The following ITGBL1 variants were observed in gnomAD, a reference collection of about 807,000 sequenced individuals.
ITGBL1 encodes the protein integrin subunit beta like 1, also known as integrin beta-like protein 1.
A neutral mutation model predicts 68.5 loss-of-function variants in ITGBL1; 51 were observed. That is an observed-to-expected ratio of 0.74 (90% CI 0.59 to 0.94). The LOEUF is 0.94. ITGBL1 is among the 40% of genes least tolerant of loss of function. ITGBL1 has a pLI of 0.00. For missense variants in ITGBL1, 649 were observed against 647.4 expected, an observed-to-expected ratio of 1.00 and a Z score of -0.03; for synonymous variants, 209 against 227.3, an observed-to-expected ratio of 0.92 and a Z score of 0.72.
chr13:101,490,627 T>C (rs1323550967), intron 2 of ITGBL1, among the ~76,000 whole-genome samples: 1 of 152,182 alleles, frequency 6.6e-6, no homozygotes, highest in East Asian at 1.9e-4. Context: ...GAGGGATTTG[T>C]AGCCTTGAGA....
intron 7 of ITGBL1, 87 bp downstream of exon 7, chr13:101,598,386 T>C: frequency 9.0e-7 from 1 of 1,107,270 alleles, no homozygotes; most frequent in Non-Finnish European, 1.2e-6. Context: ...GTTTGTTTGT[T>C]TGTTTTTTGT....
chr13:101,720,805 G>A (rs951799231), downstream of ITGBL1: 2 of 151,994 alleles, frequency 1.3e-5, no homozygotes, highest in Non-Finnish European at 2.9e-5. Flanking sequence ...GAATCATTTT[G>A]TTTGTTAGAT....
At chr13:101,469,494 C>T (rs2048428131) in intron 2 of ITGBL1, among the ~76,000 whole-genome samples, 1 of 152,128 alleles carries the variant, frequency 6.6e-6, no homozygotes, top group Admixed American at 6.5e-5. Flanking sequence ...CCAGCCTGGC[C>T]AACATGGGTG....
At chr13:101,699,522 A>T (rs1198789926) in intron 8 of ITGBL1, among the ~76,000 whole-genome samples, 2 of 152,100 alleles carry the variant, frequency 1.3e-5, no homozygotes, top group African/African-American at 4.8e-5. Flanking sequence ...ACGAGATCTG[A>T]AGGTTTTATA....
intron 8 of ITGBL1, among the ~76,000 whole-genome samples, chr13:101,698,641 T>C (rs939670235): frequency 6.6e-6 from 1 of 152,248 alleles, no homozygotes; most frequent in Non-Finnish European, 1.5e-5. Context: ...AACCTATGCA[T>C]GCATGGATTT....
chr13:101,602,166 C>A (rs1013769186), intron 7 of ITGBL1, among the ~76,000 whole-genome samples: 1 of 152,048 alleles, frequency 6.6e-6, no homozygotes, highest in Admixed American at 6.6e-5. Context: ...CTGAATGAGA[C>A]CATCTAATTG....
chr13:101,593,547 A>G (rs958829546), intron 6 of ITGBL1, among the ~76,000 whole-genome samples: 2 of 152,128 alleles, frequency 1.3e-5, no homozygotes, highest in African/African-American at 4.8e-5. Flanking sequence ...TGAATGGATA[A>G]AAAATTGTGG....
intron 8 of ITGBL1, among the ~76,000 whole-genome samples, chr13:101,699,290 G>A (rs1287439867): frequency 2.0e-5 from 3 of 152,286 alleles, no homozygotes; most frequent in Non-Finnish European, 4.4e-5. Context: ...ATGGTGAGGC[G>A]ACTGCCTGAG....
chr13:101,459,008 A>C (rs978791444), intron 2 of ITGBL1, among the ~76,000 whole-genome samples: 8 of 152,340 alleles, frequency 5.3e-5, no homozygotes, highest in Middle Eastern at 3.4e-3. Flanking sequence ...GAGTAAGATG[A>C]ATTAAAACTC....
chr13:101,475,423 A>C (rs2048521208), intron 2 of ITGBL1, among the ~76,000 whole-genome samples: 1 of 152,148 alleles, frequency 6.6e-6, no homozygotes, highest in Non-Finnish European at 1.5e-5. Context: ...TTTGCTTACA[A>C]GACCCAGAAA....
chr13:101,631,989 A>G (rs2031994926), intron 7 of ITGBL1, among the ~76,000 whole-genome samples: 1 of 152,116 alleles, frequency 6.6e-6, no homozygotes, highest in African/African-American at 2.4e-5. Flanking sequence ...CCTTGGGTTG[A>G]TGAAGATTTA....
Position 101,692,807 on chromosome 13 carries a change from A to G in ITGBL1, c.1132+106A>G, listed in dbSNP as rs980244371. The stretch of plus-strand genomic sequence containing the variant: ...TTTCAATTGCTGTTAAAAATAAGAT[A>G]AACAGAAAGCAATATACCATTGAAC... On this transcript the variant is annotated intron_variant, in intron 8 of 10. Coordinates refer to ENST00000376180, the MANE Select transcript of ITGBL1 (RefSeq NM_004791.3). 5 of 768,124 alleles carry G rather than the reference A, an allele frequency of 6.5e-6. No individual in the cohort carries two copies. In the African/African-American group the frequency reaches 8.6e-5, roughly 13 times the overall value. The allele number at this position is 768,124 out of a possible 1,614,324, so 47.6% of individuals were successfully genotyped here. A position where few individuals can be genotyped will look rare whatever the true frequency, so the allele number is the denominator to read the frequency against.
intron 7 of ITGBL1, among the ~76,000 whole-genome samples, chr13:101,659,202 A>G (rs72659166): frequency 6.6e-6 from 1 of 152,124 alleles, no homozygotes; most frequent in Non-Finnish European, 1.5e-5. Flanking sequence ...CTTAAAACAC[A>G]TAAATAGAAG....
intron 2 of ITGBL1, among the ~76,000 whole-genome samples, chr13:101,455,711 G>A (rs2139610944): frequency 6.6e-6 from 1 of 152,268 alleles, no homozygotes; most frequent in Non-Finnish European, 1.5e-5. Flanking sequence ...GCCACAACTT[G>A]TTATTTAACT....
intron 2 of ITGBL1, among the ~76,000 whole-genome samples, chr13:101,503,768 G>C (rs569645878): frequency 4.3e-4 from 66 of 152,336 alleles, no homozygotes; most frequent in Non-Finnish European, 1.2e-4. Context: ...ATGAATGGTA[G>C]ACTTGAGACT....
intron 8 of ITGBL1, among the ~76,000 whole-genome samples, chr13:101,700,307 ACTTGT>A (rs942537769): frequency 1.7e-4 from 26 of 152,110 alleles, no homozygotes; most frequent in African/African-American, 5.1e-4. Context: ...TAGCTAGAAA[ACTTGT>A]CTTGTCTTTT....
chr13:101,587,881 C>T (rs1245392881), intron 6 of ITGBL1, among the ~76,000 whole-genome samples: 2 of 152,072 alleles, frequency 1.3e-5, no homozygotes, highest in Non-Finnish European at 2.9e-5. Context: ...AGTTATTCCC[C>T]AAAGCTTTTC....
At chr13:101,525,206 A>G (rs7326070) in intron 2 of ITGBL1, among the ~76,000 whole-genome samples, 112,284 of 151,934 alleles carry the variant, frequency 0.74, 41,501 homozygotes, top group South Asian at 0.79. Flanking sequence ...ATAATTGTAT[A>G]GAAAAATGAC....
intron 7 of ITGBL1, among the ~76,000 whole-genome samples, chr13:101,671,502 G>A (rs1248075662): frequency 3.7e-5 from 5 of 133,658 alleles, no homozygotes; most frequent in African/African-American, 1.1e-4. Flanking sequence ...GCAGTGGCGT[G>A]ATCTCGGCTC....
Sources: gnomAD v4.1 joint callset for allele counts (sites outside exome capture counted in the v4.1 genomes callset) on GRCh38, gnomAD v4.1.1 for gene constraint, MANE v1.5 for transcripts, NCBI Gene and HGNC (gene_info 2026-07-23, HGNC 2026-07-21) for gene names.